PPIG: variants seen among roughly 807,000 people sequenced by gnomAD.
The protein encoded by PPIG is peptidylprolyl isomerase G, also known as peptidyl-prolyl cis-trans isomerase G.
A neutral mutation model predicts 87.9 loss-of-function variants in PPIG; 26 were observed. The ratio of observed to expected loss-of-function variants is 0.30; its 90% confidence interval spans 0.22 to 0.41. The LOEUF is 0.41. PPIG is among the 10% of genes least tolerant of loss of function. PPIG has a pLI of 1.00. For synonymous variants in PPIG, 308 were observed against 276.5 expected, an observed-to-expected ratio of 1.11 and a Z score of -1.13; for missense variants, 722 against 879.4, an observed-to-expected ratio of 0.82 and a Z score of 2.26.
At chr2:169,605,619 T>C (rs1685302613) in intron 4 of PPIG, among the ~76,000 whole-genome samples, 1 of 147,256 alleles carries the variant, frequency 6.8e-6, no homozygotes, top group African/African-American at 2.5e-5. Context: ...CTGGCCAACA[T>C]GGTGAAATTC....
At chr2:169,617,011 T>C (rs1309316500) in intron 9 of PPIG, among the ~76,000 whole-genome samples, 2 of 151,832 alleles carry the variant, frequency 1.3e-5, no homozygotes, top group African/African-American at 4.8e-5. Context: ...ATCTATCTCT[T>C]GAGTTAATTT....
intron 4 of PPIG, among the ~76,000 whole-genome samples, chr2:169,605,308 G>A (rs113228741): frequency 0.028 from 4,303 of 152,182 alleles, 218 homozygotes; most frequent in African/African-American, 0.098. Context: ...CTCCAGCCTG[G>A]GCAACAAGAG....
At chr2:169,595,820 T>C (rs1410214382) in intron 1 of PPIG, among the ~76,000 whole-genome samples, 1 of 152,256 alleles carries the variant, frequency 6.6e-6, no homozygotes, top group Non-Finnish European at 1.5e-5. Flanking sequence ...TTTTTGCTTT[T>C]GAGACTGAGT....
At chr2:169,589,316 T>G (rs1684796065) in intron 1 of PPIG, among the ~76,000 whole-genome samples, 1 of 152,184 alleles carries the variant, frequency 6.6e-6, no homozygotes, top group South Asian at 2.1e-4. Flanking sequence ...TTGTCTGTCT[T>G]GACACCTCAG....
intron 4 of PPIG, among the ~76,000 whole-genome samples, chr2:169,605,189 C>G (rs2105488291): frequency 6.6e-6 from 1 of 152,188 alleles, no homozygotes; most frequent in East Asian, 1.9e-4. Flanking sequence ...TAAAAATTAG[C>G]CAGGCGTGGT....
intron 1 of PPIG, among the ~76,000 whole-genome samples, chr2:169,600,360 C>T (rs1685146906): frequency 6.6e-6 from 1 of 152,138 alleles, no homozygotes; most frequent in African/African-American, 2.4e-5. Context: ...CAGGTGTGAG[C>T]CACTGCTCCC....
At chr2:169,630,718 C>G (rs1404505265) in intron 9 of PPIG, 56 bp from the exon 10 acceptor site, 2 of 1,431,894 alleles carry the variant, frequency 1.4e-6, no homozygotes, top group Non-Finnish European at 1.9e-6. Flanking sequence ...TTTAAATCTC[C>G]TTCCACAAAG....
At chr2:169,589,745 G>A (rs1035883477) in intron 1 of PPIG, among the ~76,000 whole-genome samples, 1 of 152,094 alleles carries the variant, frequency 6.6e-6, no homozygotes, top group Non-Finnish European at 1.5e-5. Flanking sequence ...GAGGCAGAGA[G>A]GATGATTACT....
chr2:169,611,042 C>CT (rs1685473773), intron 7 of PPIG, among the ~76,000 whole-genome samples: 1 of 152,106 alleles, frequency 6.6e-6, no homozygotes, highest in South Asian at 2.1e-4. Flanking sequence ...AACCCAGTCT[C>CT]TACTAAAATA....
At chr2:169,611,596 T>C (rs1271882311) in intron 7 of PPIG, among the ~76,000 whole-genome samples, 1 of 152,202 alleles carries the variant, frequency 6.6e-6, no homozygotes, top group Non-Finnish European at 1.5e-5. Flanking sequence ...TATATTGTTA[T>C]GTTGATTTTC....
At chr2:169,608,808 C>T (rs1685406211) in intron 7 of PPIG, 50 bp downstream of exon 7, 3 of 1,330,200 alleles carry the variant, frequency 2.3e-6, no homozygotes, top group Non-Finnish European at 3.2e-6. Context: ...TTGGGCCGGG[C>T]ACGGTGGCTC....
intron 1 of PPIG, among the ~76,000 whole-genome samples, chr2:169,602,944 G>A (rs991749186): frequency 6.6e-6 from 1 of 152,144 alleles, no homozygotes; most frequent in Non-Finnish European, 1.5e-5. Flanking sequence ...TTTGAAGCTA[G>A]AGCCAAATTA....
At position 169,637,622 on chromosome 2, in the gene PPIG, G is replaced by T; in HGVS notation, c.*99G>T. 6.3e-6 allele frequency: 8 copies of T among 1,265,564 alleles called. No homozygotes were observed. The highest frequency in any genetic ancestry group is 5.0e-5 in the East Asian group (2 of 40,284). 78.4% of individuals were successfully genotyped at this position (1,265,564 alleles called of 1,614,324 possible). Reference sequence around the variant, plus strand: ...TGTTGTTTTCCTTTTCATTGTTTTTGGATTGTTTTATGTTTGTCCTTTTTT... The same window carrying T: ...TGTTGTTTTCCTTTTCATTGTTTTTTGATTGTTTTATGTTTGTCCTTTTTT... On this transcript the variant is annotated 3_prime_UTR_variant, in exon 14 of 14. Transcript: ENST00000260970.
intron 10 of PPIG, 188 bp from the exon 11 acceptor site, chr2:169,631,578 G>T: frequency 1.5e-6 from 2 of 1,358,600 alleles, no homozygotes; most frequent in South Asian, 1.9e-5. Flanking sequence ...GTTTTGTTTT[G>T]TTTGTTTTTT....
intron 1 of PPIG, among the ~76,000 whole-genome samples, chr2:169,590,001 C>G (rs969102115): frequency 3.3e-5 from 5 of 151,676 alleles, no homozygotes; most frequent in Non-Finnish European, 7.4e-5. Flanking sequence ...CCCAGCTACT[C>G]GGGAGGCTGA....
intron 7 of PPIG, among the ~76,000 whole-genome samples, chr2:169,612,878 C>CTGTT (rs1685527513): frequency 6.6e-6 from 1 of 152,090 alleles, no homozygotes; most frequent in Non-Finnish European, 1.5e-5. Flanking sequence ...GGGTTATATG[C>CTGTT]TAATACTCTG....
chr2:169,613,205 C>T (rs1685535864), intron 7 of PPIG, among the ~76,000 whole-genome samples: 1 of 152,246 alleles, frequency 6.6e-6, no homozygotes, highest in Middle Eastern at 3.4e-3. Context: ...ACATAGTGTA[C>T]ACCTAGGTTT....
intron 1 of PPIG, among the ~76,000 whole-genome samples, chr2:169,594,542 C>T (rs530591929): frequency 6.6e-6 from 1 of 151,532 alleles, no homozygotes; most frequent in Admixed American, 6.6e-5. Flanking sequence ...TGTTTACTAA[C>T]TTGCTTTTTT....
chr2:169,594,681 G>A (rs1186862510), intron 1 of PPIG, among the ~76,000 whole-genome samples: 16 of 145,748 alleles, frequency 1.1e-4, no homozygotes, highest in African/African-American at 3.4e-4. Flanking sequence ...CTGGAGTGCA[G>A]TGGCACAATC....
Sources: gnomAD v4.1 joint callset for allele counts (sites outside exome capture counted in the v4.1 genomes callset) on GRCh38, gnomAD v4.1.1 for gene constraint, MANE v1.5 for transcripts, NCBI Gene and HGNC (gene_info 2026-07-23, HGNC 2026-07-21) for gene names.